Variants in GRK5 observed in about 807,000 individuals in gnomAD.
The protein encoded by GRK5 is g protein-coupled receptor kinase GRK5.
Under a neutral mutation model 78.4 loss-of-function variants are expected in GRK5, and 40 were observed. That is an observed-to-expected ratio of 0.51 (90% CI 0.40 to 0.66). The LOEUF (loss-of-function observed/expected upper bound fraction) is 0.66. Among genes scored for constraint, GRK5 ranks in the 30% least tolerant of loss-of-function variants. The pLI is 0.00. For synonymous variants in GRK5, 289 were observed against 296.8 expected (o/e 0.97, Z 0.27); for missense variants, 598 against 759.9 (o/e 0.79, Z 2.50).
intron 2 of GRK5, among the ~76,000 whole-genome samples, chr10:119,340,470 A>G (rs1309354854): frequency 1.3e-5 from 2 of 152,254 alleles, no homozygotes; most frequent in African/African-American, 2.4e-5. Flanking sequence ...CAAAAATAAT[A>G]TATGTCAATG....
chr10:119,291,618 T>TTCCTCCTCCTCCTCCTCTTCCTCCTCC (rs1564879214), intron 1 of GRK5, among the ~76,000 whole-genome samples: 1 of 87,830 alleles, frequency 1.1e-5, no homozygotes, highest in Non-Finnish European at 2.4e-5. Context: ...CCTCCTCTTC[T>TTCCTCCTCCTCCTCCTCTTCCTCCTCC]TCCTCCTCTT....
At position 119,231,621 on chromosome 10, in the gene GRK5, C is replaced by T. The variant is rs534920200; in HGVS notation, c.52+23652C>T. On this transcript the variant is annotated intron_variant, in intron 1 of 15. Transcript: ENST00000392870. ...ACTTGGGAGGCTGAGACAGGAGAAT[C>T]GCTTGAACCTGGGAGGCGGAGGTTG... 1.3e-4 allele frequency among the ~76,000 whole-genome samples: 19 copies of T among 150,808 alleles called. No individual in the cohort carries two copies. The East Asian group carries it at 1.4e-3, about 11-fold the overall frequency.
At chr10:119,326,639 G>C in intron 2 of GRK5, 28 bp downstream of exon 2, 1 of 1,541,044 alleles carries the variant, frequency 6.5e-7, no homozygotes, top group Non-Finnish European at 9.0e-7. Context: ...GGGGCTGTGC[G>C]GGGAGTGAGT....
intron 2 of GRK5, among the ~76,000 whole-genome samples, chr10:119,344,122 AT>A (rs1274147642): frequency 2.2e-5 from 3 of 135,082 alleles, no homozygotes; most frequent in Admixed American, 2.2e-4. Context: ...TTTATTTTTT[AT>A]TTTTTTGGCC....
chr10:119,218,060 C>T lies in GRK5; in HGVS notation c.52+10091C>T, dbSNP rs114752300. Among the ~76,000 whole-genome samples the T allele has an allele frequency of 8.4e-3, 1,247 of 148,712 alleles. 12 individuals are homozygous for T. Among genetic ancestry groups the T allele is most frequent in the African/African-American group, 0.022 (881 of 40,238 alleles). On this transcript the variant is annotated intron_variant, in intron 1 of 15. Transcript: ENST00000392870. Reference sequence around the variant, plus strand: ...AACCTTGAGTGTTTGCATTTAGAAACCATGTCAACCCGTTTGTGTGTGTGT... The same window carrying T: ...AACCTTGAGTGTTTGCATTTAGAAATCATGTCAACCCGTTTGTGTGTGTGT...
intron 11 of GRK5, among the ~76,000 whole-genome samples, 154 bp downstream of exon 11, chr10:119,442,242 G>A (rs1041895310): frequency 3.3e-5 from 5 of 152,238 alleles, no homozygotes; most frequent in East Asian, 1.9e-4. Flanking sequence ...GCTGGGGGGC[G>A]GCCTTAGCCA....
intron 1 of GRK5, among the ~76,000 whole-genome samples, chr10:119,313,004 C>CTG (rs57452712): frequency 0.024 from 230 of 9,560 alleles, no homozygotes; most frequent in Middle Eastern, 0.05. Flanking sequence ...TAATGGTGGT[C>CTG]GTGACGGTGA....
chr10:119,291,612 CT>C (rs1257683332), intron 1 of GRK5, among the ~76,000 whole-genome samples: 5 of 137,456 alleles, frequency 3.6e-5, no homozygotes, highest in Admixed American at 3.0e-4. Context: ...CTTCCTCCTC[CT>C]CTTCTTCCTC....
intron 3 of GRK5, among the ~76,000 whole-genome samples, chr10:119,394,745 GTGTC>G (rs1314434512): frequency 7.9e-5 from 9 of 113,860 alleles, no homozygotes; most frequent in Admixed American, 2.6e-4. Context: ...GGGTGTGTGT[GTGTC>G]TGTGTGTGGG....
At chr10:119,342,624 G>A (rs893973109) in intron 2 of GRK5, among the ~76,000 whole-genome samples, 1 of 152,138 alleles carries the variant, frequency 6.6e-6, no homozygotes, top group Non-Finnish European at 1.5e-5. Context: ...TTGCTTCTTG[G>A]TTCTGCCTGC....
At chr10:119,256,733 A>G (rs1209617034) in intron 1 of GRK5, among the ~76,000 whole-genome samples, 2 of 152,110 alleles carry the variant, frequency 1.3e-5, no homozygotes, top group Admixed American at 6.6e-5. Context: ...TTATTGAGAG[A>G]TAATTCACGT....
chr10:119,313,716 A>G (rs563046567), intron 1 of GRK5, among the ~76,000 whole-genome samples: 1 of 152,118 alleles, frequency 6.6e-6, no homozygotes, highest in East Asian at 1.9e-4. Context: ...GACTGTCCCC[A>G]GCCTCTCCAC....
chr10:119,245,524 C>T (rs549029652), intron 1 of GRK5, among the ~76,000 whole-genome samples: 14 of 152,220 alleles, frequency 9.2e-5, no homozygotes, highest in African/African-American at 1.9e-4. Context: ...AAGCTAGTCA[C>T]AGAAGAACAA....
intron 2 of GRK5, among the ~76,000 whole-genome samples, chr10:119,363,449 T>A (rs1370275986): frequency 6.6e-6 from 1 of 152,132 alleles, no homozygotes; most frequent in Non-Finnish European, 1.5e-5. Context: ...TAGTACGTGG[T>A]TGTAGAAGGC....
intron 3 of GRK5, 137 bp from the exon 4 acceptor site, chr10:119,396,558 C>G (rs1168680807): frequency 1.2e-5 from 8 of 691,148 alleles, no homozygotes; most frequent in Non-Finnish European, 2.0e-5. Context: ...GTCTTCCCCC[C>G]CGGTTTCCTG....
intron 3 of GRK5, among the ~76,000 whole-genome samples, chr10:119,394,850 T>C (rs893573120): frequency 6.6e-6 from 1 of 151,064 alleles, no homozygotes; most frequent in Non-Finnish European, 1.5e-5. Flanking sequence ...CACGTGTGTG[T>C]GCACACATGT....
intron 1 of GRK5, among the ~76,000 whole-genome samples, chr10:119,215,852 G>A (rs1358127432): frequency 6.6e-6 from 1 of 152,076 alleles, no homozygotes; most frequent in African/African-American, 2.4e-5. Context: ...GCATAAGTGC[G>A]GCAGATCTAC....
chr10:119,425,542 A>G (rs561477384), intron 6 of GRK5, among the ~76,000 whole-genome samples: 1 of 152,202 alleles, frequency 6.6e-6, no homozygotes, highest in Non-Finnish European at 1.5e-5. Flanking sequence ...AGAAATTCCT[A>G]GCAGAGGAAT....
intron 1 of GRK5, among the ~76,000 whole-genome samples, chr10:119,235,276 T>C (rs1373207001): frequency 1.3e-5 from 2 of 151,530 alleles, no homozygotes; most frequent in African/African-American, 4.9e-5. Flanking sequence ...GGGAAACAAA[T>C]CAGGAGGGGG....
Sources: gnomAD v4.1 joint callset for allele counts (sites outside exome capture counted in the v4.1 genomes callset) on GRCh38, gnomAD v4.1.1 for gene constraint, MANE v1.5 for transcripts, NCBI Gene and HGNC (gene_info 2026-07-23, HGNC 2026-07-21) for gene names.